Variants in PLAT observed in about 807,000 individuals in gnomAD.
The protein encoded by PLAT is plasminogen activator, tissue type.
A neutral mutation model predicts 74.9 loss-of-function variants in PLAT; 48 were observed. The ratio of observed to expected loss-of-function variants is 0.64; its 90% CI spans 0.51 to 0.82. The LOEUF (loss-of-function observed/expected upper bound fraction) is 0.82. Among genes scored for constraint, PLAT ranks in the 40% least tolerant of loss-of-function variants. PLAT has a pLI of 0.00. For missense variants in PLAT, 673 were observed against 736.2 expected, an observed-to-expected ratio of 0.91 and a Z score of 0.99; for synonymous variants, 307 against 294.4, an observed-to-expected ratio of 1.04 and a Z score of -0.44.
intron 7 of PLAT, among the ~76,000 whole-genome samples, chr8:42,183,946 T>G (rs1805348368): frequency 6.6e-6 from 1 of 151,956 alleles, no homozygotes; most frequent in South Asian, 2.1e-4. Flanking sequence ...ACACACATAT[T>G]TATGTATTTA....
chr8:42,180,432 G>A, intron 10 of PLAT, 54 bp from the exon 11 acceptor site: 2 of 1,613,922 alleles, frequency 1.2e-6, no homozygotes, highest in Non-Finnish European at 1.7e-6. Flanking sequence ...TTCCCCTAAA[G>A]GGCTTGGTTT....
chr8:42,196,170 A>C (rs1233676824), intron 1 of PLAT, among the ~76,000 whole-genome samples: 1 of 152,182 alleles, frequency 6.6e-6, no homozygotes, highest in Non-Finnish European at 1.5e-5. Context: ...GACCAGATGG[A>C]GGAGAAGCAC....
At chr8:42,204,746 G>A (rs376196650) in intron 1 of PLAT, among the ~76,000 whole-genome samples, 1 of 151,608 alleles carries the variant, frequency 6.6e-6, no homozygotes, top group African/African-American at 2.4e-5. Flanking sequence ...AAAATTGGCC[G>A]GGCATGGTGG....
chr8:42,191,322 G>T (rs891747824), intron 3 of PLAT, 50 bp downstream of exon 3: 3 of 1,523,396 alleles, frequency 2.0e-6, no homozygotes, highest in Admixed American at 1.7e-5. Flanking sequence ...CCTGCACCCC[G>T]CCCTGCCTCC....
intron 1 of PLAT, among the ~76,000 whole-genome samples, chr8:42,198,219 G>A (rs1197403580): frequency 1.3e-5 from 2 of 152,216 alleles, no homozygotes; most frequent in Non-Finnish European, 2.9e-5. Flanking sequence ...GCCAGGCACA[G>A]TGGCTCACAC....
intron 1 of PLAT, among the ~76,000 whole-genome samples, chr8:42,200,789 T>C (rs1317342917): frequency 6.6e-6 from 1 of 151,264 alleles, no homozygotes; most frequent in Non-Finnish European, 1.5e-5. Context: ...AATCTAACAC[T>C]CTTTCCACTA....
At position 42,175,715 on chromosome 8, in the gene PLAT, C is replaced by G. The variant is rs1804942505; in HGVS notation, c.*278G>C. ...TTTAGCTGAAAACAGGGTGGCATGG[C>G]CACTTTCTGCCCAGGGAGGAGGCAT... On this transcript the variant is annotated 3_prime_UTR_variant, in exon 14 of 14. Transcript: ENST00000220809. 3 of 331,550 alleles carry G rather than the reference C, an allele frequency of 9.0e-6. No individual in the cohort carries two copies. The highest frequency in any genetic ancestry group is 1.7e-5 in the Non-Finnish European group (3 of 179,788). 20.5% of individuals were successfully genotyped at this position (331,550 alleles called of 1,614,324 possible). A position where few individuals can be genotyped will look rare whatever the true frequency, so the allele number is the denominator to read the frequency against.
chr8:42,187,473 G>A lies in PLAT; in HGVS notation c.464C>T (p.Ala155Val), dbSNP rs115997172. The A allele has an allele frequency of 1.3e-5, 21 of 1,609,068 alleles. No homozygotes were observed. Among genetic ancestry groups the A allele is most frequent in the Middle Eastern group, 1.7e-4 (1 of 6,038 alleles). Residue 155 changes from alanine (A) to valine (V), a missense_variant, in exon 6 of 14, where the codon GCG becomes GTG. By Grantham distance (64) the Ala-to-Val change is moderately conservative (BLOSUM62 0). Coordinates refer to ENST00000220809, the MANE Select transcript of PLAT (RefSeq NM_000930.5). Reference sequence around the variant, plus strand: ...CCCGCTGTAGGGCTTCTGGGCCAACGCGCTGCTGTTCCAGTTGGTGCACTC... The same window carrying A: ...CCCGCTGTAGGGCTTCTGGGCCAACACGCTGCTGTTCCAGTTGGTGCACTC... ...GAECTNWNSS[A>V]LAQKPYSGRR...
At chr8:42,196,935 G>T (rs1278521562) in intron 1 of PLAT, among the ~76,000 whole-genome samples, 1 of 152,048 alleles carries the variant, frequency 6.6e-6, no homozygotes, top group East Asian at 1.9e-4. Context: ...AGAAAGGAAG[G>T]CCCCAAGGTT....
intron 1 of PLAT, among the ~76,000 whole-genome samples, chr8:42,200,605 AG>A (rs1400628813): frequency 1.4e-5 from 2 of 142,476 alleles, no homozygotes; most frequent in Non-Finnish European, 3.0e-5. Context: ...TGAGCCTGGG[AG>A]TTTGAGGCTG....
At chr8:42,188,114 C>T in intron 4 of PLAT, 98 bp from the exon 5 acceptor site, 2 of 685,632 alleles carry the variant, frequency 2.9e-6, no homozygotes, top group South Asian at 3.4e-5. Flanking sequence ...CACACACACT[C>T]AAGTCCTGCA....
At chr8:42,206,622 T>C (rs1293976997) in intron 1 of PLAT, 4 of 152,162 alleles carry the variant, frequency 2.6e-5, no homozygotes, top group Non-Finnish European at 5.9e-5. Flanking sequence ...CCACACTTCT[T>C]TGAGCTTGAG....
rs1028724051 is a variant in PLAT, at chr8:42,175,677, C to T, written c.*316G>A. The T allele has an allele frequency of 3.6e-6, 1 of 278,438 alleles. No homozygotes were observed. Among genetic ancestry groups the T allele is most frequent in the African/African-American group, 2.1e-5 (1 of 46,960 alleles). 17.2% of individuals were successfully genotyped at this position (278,438 alleles called of 1,614,324 possible). On this transcript the variant is annotated 3_prime_UTR_variant, in exon 14 of 14. Coordinates refer to ENST00000220809, the MANE Select transcript of PLAT (RefSeq NM_000930.5). The stretch of plus-strand genomic sequence containing the variant: ...TCCAAAGCTGCTCACGGTGACAGGT[C>T]AGGAGGTTGGGCTTTAGCTGAAAAC...
At chr8:42,178,595 G>T (rs1805072284) in intron 13 of PLAT, among the ~76,000 whole-genome samples, 1 of 152,176 alleles carries the variant, frequency 6.6e-6, no homozygotes, top group Non-Finnish European at 1.5e-5. Flanking sequence ...TAATTGTGTG[G>T]CTCTCTCCAT....
chr8:42,193,244 G>GA, intron 1 of PLAT, 33 bp from the exon 2 acceptor site: 1 of 1,366,812 alleles, frequency 7.3e-7, no homozygotes, highest in South Asian at 1.2e-5. Flanking sequence ...TTGATCACGG[G>GA]GTGCGAGAGG....
At chr8:42,181,797 G>T in intron 9 of PLAT, 140 bp downstream of exon 9, 5 of 284,584 alleles carry the variant, frequency 1.8e-5, no homozygotes, top group Admixed American at 4.6e-5. Flanking sequence ...CTTCAGTCAT[G>T]GAAGCCCCCT....
intron 5 of PLAT, 25 bp downstream of exon 5, chr8:42,187,881 G>C: frequency 7.0e-7 from 1 of 1,434,302 alleles, no homozygotes; most frequent in South Asian, 1.1e-5. Context: ...ATTTCAGCTC[G>C]TTTCACGTGC....
chr8:42,190,842 G>A, intron 3 of PLAT, among the ~76,000 whole-genome samples: 1 of 151,966 alleles, frequency 6.6e-6, no homozygotes, highest in Admixed American at 6.5e-5. Context: ...TTGCCTGGGT[G>A]GGACATCCCA....
rs1805298897 is a variant in PLAT at position 42,182,742 on chromosome 8, G to A, written c.780C>T (p.Gly260=). Residue 260 remains glycine (G), a synonymous_variant, in exon 8 of 14, where the codon GGC becomes GGT. Transcript: ENST00000220809. ...TAQNPSAQAL[G]LGKHNYCRNP... is the part of the protein sequence containing the mutation. Reference sequence around the variant, plus strand: ...ACCGGCAGTAATTATGTTTGCCCAGGCCCAGTGCCTGGGCACTGGGGTTCT... The same window carrying A: ...ACCGGCAGTAATTATGTTTGCCCAGACCCAGTGCCTGGGCACTGGGGTTCT... 1.2e-6 allele frequency: 2 copies of A among 1,604,340 alleles called. No individual in the cohort carries two copies. The highest frequency in any genetic ancestry group is 1.1e-5 in the South Asian group (1 of 89,944).
Sources: gnomAD v4.1 joint callset for allele counts (sites outside exome capture counted in the v4.1 genomes callset) on GRCh38, gnomAD v4.1.1 for gene constraint, MANE v1.5 for transcripts, NCBI Gene and HGNC (gene_info 2026-07-23, HGNC 2026-07-21) for gene names.